Variants in CLYBL observed in about 807,000 individuals in gnomAD.
CLYBL encodes the protein citramalyl-CoA lyase, mitochondrial.
In CLYBL, 31 loss-of-function variants were observed where a neutral mutation model predicts 38.9. The ratio of observed to expected loss-of-function variants is 0.80; its 90% CI spans 0.60 to 1.08. CLYBL has a LOEUF of 1.08. Among genes scored for constraint, CLYBL ranks in the 50% least tolerant of loss-of-function variants. CLYBL has a pLI of 0.00. For synonymous variants in CLYBL, 171 were observed against 158.6 expected, an observed-to-expected ratio of 1.08 and a Z score of -0.59; for missense variants, 434 against 411.6, an observed-to-expected ratio of 1.05 and a Z score of -0.47.
intron 1 of CLYBL, among the ~76,000 whole-genome samples, chr13:99,654,949 G>A (rs1488821392): frequency 6.6e-6 from 1 of 152,080 alleles, no homozygotes; most frequent in African/African-American, 2.4e-5. Context: ...AGGTTGCAGT[G>A]AGCCGAGATC....
intron 1 of CLYBL, among the ~76,000 whole-genome samples, chr13:99,623,274 C>T (rs776304442): frequency 6.6e-6 from 1 of 152,206 alleles, no homozygotes; most frequent in Non-Finnish European, 1.5e-5. Flanking sequence ...TGCTATTTTC[C>T]ATTGTTTTTA....
chr13:99,897,424 G>C (rs1337757110), downstream of CLYBL, among the ~76,000 whole-genome samples: 2 of 152,200 alleles, frequency 1.3e-5, no homozygotes, highest in Non-Finnish European at 2.9e-5. Context: ...ACAAGCTCTT[G>C]TTCGAGAACA....
intron 1 of CLYBL, among the ~76,000 whole-genome samples, chr13:99,641,012 T>G (rs1485833452): frequency 6.6e-6 from 1 of 152,246 alleles, no homozygotes; most frequent in African/African-American, 2.4e-5. Flanking sequence ...TTTTCTAATA[T>G]AGAATTCTCA....
intron 2 of CLYBL, among the ~76,000 whole-genome samples, chr13:99,808,157 C>T (rs2050269049): frequency 6.6e-6 from 1 of 152,192 alleles, no homozygotes; most frequent in Admixed American, 6.5e-5. Context: ...GCAATCACAG[C>T]TCACTGCAGC....
chr13:99,891,643 G>C (rs985483985), intron 8 of CLYBL: 2 of 471,080 alleles, frequency 4.2e-6, no homozygotes, highest in Non-Finnish European at 7.6e-6. Flanking sequence ...CATTTTTAGT[G>C]TATTACGAAT....
chr13:99,738,963 G>A (rs907492453), intron 1 of CLYBL, among the ~76,000 whole-genome samples: 1 of 152,164 alleles, frequency 6.6e-6, no homozygotes, highest in African/African-American at 2.4e-5. Context: ...CACATCAGTG[G>A]CTCTTTAAAA....
chr13:99,772,994 T>C lies in CLYBL; in HGVS notation c.233T>C (p.Val78Ala), dbSNP rs768758286. 3.7e-6 allele frequency: 6 copies of C among 1,608,414 alleles called. No individual in the cohort carries two copies. The highest frequency in any genetic ancestry group is 1.3e-5 in the African/African-American group (1 of 74,556). ...DCAVLDCEDGVAANKKNEARL... is the reference protein window; with the variant it reads ...DCAVLDCEDGAAANKKNEARL... ...GCAGTGCTCGACTGTGAGGATGGAGTGGCTGCAAACAAAAAGGTAATGGCA... is the reference window on the plus strand; with the variant it reads ...GCAGTGCTCGACTGTGAGGATGGAGCGGCTGCAAACAAAAAGGTAATGGCA... The change falls in exon 2 of 9, where the codon GTG (valine) becomes GCG (alanine). Residue 78 changes from valine to alanine, a missense_variant. Transcript: ENST00000339105.
chr13:99,625,490 T>C (rs2046856781), intron 1 of CLYBL, among the ~76,000 whole-genome samples: 1 of 152,224 alleles, frequency 6.6e-6, no homozygotes, highest in Non-Finnish European at 1.5e-5. Context: ...GTAAAAATGT[T>C]AATAATTTGA....
intron 2 of CLYBL, among the ~76,000 whole-genome samples, chr13:99,828,059 C>A (rs994240991): frequency 6.6e-6 from 1 of 152,160 alleles, no homozygotes; most frequent in Non-Finnish European, 1.5e-5. Flanking sequence ...GGATGCAGGA[C>A]CCACGGATTG....
At chr13:99,713,610 G>C (rs1035179845) in intron 1 of CLYBL, among the ~76,000 whole-genome samples, 16 of 152,034 alleles carry the variant, frequency 1.1e-4, no homozygotes, top group East Asian at 1.9e-4. Context: ...AAAGTGCTGG[G>C]ATTACAGGCA....
chr13:99,864,594 A>G (rs2051692324), intron 4 of CLYBL, among the ~76,000 whole-genome samples: 1 of 152,254 alleles, frequency 6.6e-6, no homozygotes, highest in South Asian at 2.1e-4. Context: ...GAACATTATA[A>G]CTATATTCAT....
chr13:99,693,104 T>C (rs964933308), intron 1 of CLYBL, among the ~76,000 whole-genome samples: 14 of 152,230 alleles, frequency 9.2e-5, no homozygotes, highest in Non-Finnish European at 1.5e-4. Context: ...TTGCTGGGTC[T>C]TATGGTAACT....
chr13:99,840,943 C>T (rs942457625), intron 2 of CLYBL, among the ~76,000 whole-genome samples: 3 of 151,982 alleles, frequency 2.0e-5, no homozygotes, highest in Non-Finnish European at 4.4e-5. Context: ...TCATTTCTCT[C>T]ACCTAAACCA....
chr13:99,654,009 T>G (rs935629179), intron 1 of CLYBL, among the ~76,000 whole-genome samples: 1 of 152,054 alleles, frequency 6.6e-6, no homozygotes, highest in Non-Finnish European at 1.5e-5. Flanking sequence ...CTCAGTGAGG[T>G]CTCAGGCTCC....
intron 2 of CLYBL, among the ~76,000 whole-genome samples, chr13:99,779,973 C>G (rs2049605868): frequency 6.6e-6 from 1 of 152,048 alleles, no homozygotes; most frequent in South Asian, 2.1e-4. Flanking sequence ...TTACTAGATG[C>G]AGAGTTCTAT....
intron 2 of CLYBL, among the ~76,000 whole-genome samples, chr13:99,773,527 T>G (rs528557963): frequency 6.6e-6 from 1 of 152,258 alleles, no homozygotes; most frequent in East Asian, 1.9e-4. Context: ...GGTTGCACGC[T>G]CCTTGTAAGA....
rs536151082 is a variant in CLYBL at position 99,741,008 on chromosome 13, A to G, written c.63-31816A>G. On this transcript the variant is annotated intron_variant, in intron 1 of 8. Coordinates refer to ENST00000339105, the MANE Select transcript of CLYBL (RefSeq NM_206808.5). ...GATGGGAATCCTGTTCAAAATTGTT[A>G]CTGGAGACAAATTGAAGTACAGACT... Among the ~76,000 whole-genome samples, 12 of 152,276 alleles carry G rather than the reference A, an allele frequency of 7.9e-5. No individual in the cohort carries two copies. In the South Asian group the frequency reaches 2.5e-3, roughly 32 times the overall value.
intron 2 of CLYBL, among the ~76,000 whole-genome samples, chr13:99,850,183 G>A (rs538488821): frequency 1.3e-5 from 2 of 152,208 alleles, no homozygotes; most frequent in East Asian, 3.9e-4. Context: ...TGCTTCATAG[G>A]ACACCATCAA....
At chr13:99,804,283 A>G (rs1422739534) in intron 2 of CLYBL, among the ~76,000 whole-genome samples, 4 of 152,194 alleles carry the variant, frequency 2.6e-5, no homozygotes, top group Non-Finnish European at 5.9e-5. Flanking sequence ...TCTTGCAAAG[A>G]TCTGGATTTG....
Sources: gnomAD v4.1 joint callset for allele counts (sites outside exome capture counted in the v4.1 genomes callset) on GRCh38, gnomAD v4.1.1 for gene constraint, MANE v1.5 for transcripts, NCBI Gene and HGNC (gene_info 2026-07-23, HGNC 2026-07-21) for gene names.